Variants in CCSER2 observed in about 807,000 individuals in gnomAD.
The protein encoded by CCSER2 is serine-rich coiled-coil domain-containing protein 2.
In CCSER2, 46 loss-of-function variants were observed where a neutral mutation model predicts 92.3. The ratio of observed to expected loss-of-function variants is 0.50; its 90% CI spans 0.39 to 0.64. The LOEUF (loss-of-function observed/expected upper bound fraction) is 0.64, where lower values mean the gene tolerates loss of function less well. CCSER2 is among the 30% of genes least tolerant of loss of function. The pLI, the probability that CCSER2 is intolerant of heterozygous loss-of-function variation, is 0.00. For synonymous variants in CCSER2, 433 were observed against 431.4 expected, an observed-to-expected ratio of 1.00 and a Z score of -0.04; for missense variants, 1,244 against 1,238.9, an observed-to-expected ratio of 1.00 and a Z score of -0.06.
intron 4 of CCSER2, among the ~76,000 whole-genome samples, chr10:84,420,486 C>T (rs1843085900): frequency 6.6e-6 from 1 of 152,058 alleles, no homozygotes; most frequent in African/African-American, 2.4e-5. Context: ...AAGTCCCGAA[C>T]AATTATACAC....
intron 9 of CCSER2, among the ~76,000 whole-genome samples, chr10:84,493,619 C>T (rs191156461): frequency 2.0e-5 from 3 of 152,180 alleles, no homozygotes; most frequent in Non-Finnish European, 2.9e-5. Flanking sequence ...GAGAAAGGAA[C>T]GAGAATTTCC....
intron 9 of CCSER2, among the ~76,000 whole-genome samples, chr10:84,483,867 C>T (rs1188658846): frequency 7.0e-6 from 1 of 143,604 alleles, no homozygotes; most frequent in Non-Finnish European, 1.5e-5. Context: ...CTCACTGCAA[C>T]ATCTGCCTCC....
At chr10:84,347,397 G>C (rs988512082) in intron 1 of CCSER2, among the ~76,000 whole-genome samples, 2 of 147,834 alleles carry the variant, frequency 1.4e-5, no homozygotes, top group African/African-American at 5.0e-5. Flanking sequence ...GCGGCTGGCC[G>C]GGGAGGGGGG....
intron 4 of CCSER2, among the ~76,000 whole-genome samples, chr10:84,422,576 C>A (rs561946544): frequency 6.6e-6 from 1 of 152,122 alleles, no homozygotes; most frequent in Non-Finnish European, 1.5e-5. Context: ...ATAGTTAGGG[C>A]CCAGTCTCAC....
chr10:84,367,598 C>T (rs180712332), intron 1 of CCSER2, among the ~76,000 whole-genome samples: 1 of 152,020 alleles, frequency 6.6e-6, no homozygotes, highest in Admixed American at 6.6e-5. Flanking sequence ...AGGCTGGTCT[C>T]ACACTCCTGG....
intron 6 of CCSER2, chr10:84,455,740 C>G (rs1845578376): frequency 1.0e-6 from 1 of 992,048 alleles, no homozygotes; most frequent in African/African-American, 1.6e-5. Flanking sequence ...TAAAATGCAC[C>G]TGCACATTCT....
intron 9 of CCSER2, among the ~76,000 whole-genome samples, chr10:84,489,833 A>T (rs987463110): frequency 6.6e-6 from 1 of 152,152 alleles, no homozygotes; most frequent in Non-Finnish European, 1.5e-5. Context: ...TCTTCCTAGC[A>T]TCGTTGGTGT....
At chr10:84,432,988 C>T (rs138233806) in intron 5 of CCSER2, among the ~76,000 whole-genome samples, 1 of 152,076 alleles carries the variant, frequency 6.6e-6, no homozygotes, top group East Asian at 1.9e-4. Flanking sequence ...TTTTGAATTG[C>T]CTTTGCTCCT....
intron 9 of CCSER2, among the ~76,000 whole-genome samples, chr10:84,500,420 G>A (rs1848663843): frequency 6.6e-6 from 1 of 152,112 alleles, no homozygotes; most frequent in African/African-American, 2.4e-5. Context: ...TAAGGGCTTG[G>A]ATTGCATTTC....
intron 1 of CCSER2, among the ~76,000 whole-genome samples, chr10:84,359,537 T>C (rs1403743864): frequency 1.3e-5 from 2 of 152,116 alleles, no homozygotes; most frequent in African/African-American, 2.4e-5. Flanking sequence ...TTTAACAAGT[T>C]TCTAGGTGTT....
At chr10:84,453,554 A>G (rs1299645800) in intron 6 of CCSER2, among the ~76,000 whole-genome samples, 1 of 152,192 alleles carries the variant, frequency 6.6e-6, no homozygotes, top group Non-Finnish European at 1.5e-5. Flanking sequence ...TGAATGGAAT[A>G]TATATTTTCT....
At chr10:84,437,440 G>A (rs56728610) in intron 5 of CCSER2, among the ~76,000 whole-genome samples, 2,471 of 151,940 alleles carry the variant, frequency 0.016, 74 homozygotes, top group African/African-American at 0.055. Context: ...CTTGAACTCC[G>A]GAGGCAGAGG....
chr10:84,453,013 CTTT>C (rs1845388150), intron 6 of CCSER2, among the ~76,000 whole-genome samples: 1 of 151,990 alleles, frequency 6.6e-6, no homozygotes, highest in Non-Finnish European at 1.5e-5. Context: ...GAAATAATAG[CTTT>C]TTTATCTTTT....
chr10:84,328,645 C>G lies in CCSER2; in HGVS notation c.-203C>G, dbSNP rs1387580480. Reference sequence around the variant, plus strand: ...GGCGCGGCGGCTTTGGAGTCCGGCGCTCCCTCAGGCCGCGGACGCGATGCT... The same window carrying G: ...GGCGCGGCGGCTTTGGAGTCCGGCGGTCCCTCAGGCCGCGGACGCGATGCT... On this transcript the variant is annotated 5_prime_UTR_variant, in exon 1 of 10. Coordinates refer to ENST00000372088, the MANE Select transcript of CCSER2 (RefSeq NM_001284240.2). 6.6e-6 allele frequency: 1 copy of G among 151,070 alleles called. No homozygotes were observed. Among genetic ancestry groups the G allele is most frequent in the Non-Finnish European group, 1.5e-5 (1 of 67,706 alleles). The allele number at this position is 151,070 out of a possible 1,614,324, so 9.4% of individuals were successfully genotyped here.
intron 9 of CCSER2, among the ~76,000 whole-genome samples, chr10:84,487,563 A>G (rs1455028654): frequency 2.0e-5 from 3 of 152,170 alleles, no homozygotes; most frequent in Non-Finnish European, 4.4e-5. Flanking sequence ...GTGTATAAGA[A>G]TGCTTGTGAT....
chr10:84,339,881 G>T (rs773410392), intron 1 of CCSER2, among the ~76,000 whole-genome samples: 1 of 151,204 alleles, frequency 6.6e-6, no homozygotes, highest in Non-Finnish European at 1.5e-5. Context: ...CACTCTTGTC[G>T]CCCAGTCTGG....
intron 5 of CCSER2, among the ~76,000 whole-genome samples, chr10:84,429,736 T>A (rs904998773): frequency 6.6e-6 from 1 of 150,452 alleles, no homozygotes; most frequent in Admixed American, 6.6e-5. Context: ...CTCCTAGATA[T>A]ACAGATTAAT....
chr10:84,482,866 A>G (rs761522311), intron 9 of CCSER2, among the ~76,000 whole-genome samples: 1 of 152,272 alleles, frequency 6.6e-6, no homozygotes, highest in Non-Finnish European at 1.5e-5. Context: ...AAAGGTGCCT[A>G]CAAGTTAAAA....
chr10:84,380,896 C>T (rs985397962), intron 3 of CCSER2, among the ~76,000 whole-genome samples: 5 of 152,054 alleles, frequency 3.3e-5, no homozygotes, highest in African/African-American at 9.7e-5. Flanking sequence ...GGGGTTTCAC[C>T]GTGTTAGCCA....
Sources: allele counts gnomAD v4.1 joint callset (sites outside exome capture counted in the v4.1 genomes callset), GRCh38; gene constraint gnomAD v4.1.1; transcripts MANE v1.5; gene names NCBI Gene and HGNC (gene_info 2026-07-23, HGNC 2026-07-21).